INPP4A: variants seen among roughly 807,000 people sequenced by gnomAD.
INPP4A encodes the protein inositol polyphosphate-4-phosphatase type I A, also known as inositol polyphosphate-4-phosphatase, type I, 107kD.
INPP4A carries 33 observed loss-of-function variants against 119.8 expected under a neutral mutation model. That is an observed-to-expected ratio of 0.28 (90% confidence interval 0.21 to 0.37). The LOEUF (loss-of-function observed/expected upper bound fraction) is 0.37, where lower values mean the gene tolerates loss of function less well. INPP4A is among the 10% of genes least tolerant of loss of function. INPP4A has a pLI of 1.00. For missense variants in INPP4A, 956 were observed against 1,289.9 expected (o/e 0.74, Z 3.97); for synonymous variants, 496 against 500.7 (o/e 0.99, Z 0.12).
chr2:98,547,628 A>T (rs1044184775), intron 13 of INPP4A, among the ~76,000 whole-genome samples: 27 of 152,110 alleles, frequency 1.8e-4, no homozygotes, highest in African/African-American at 6.3e-4. Flanking sequence ...TGTTTGGTTT[A>T]GGGAGAATAA....
chr2:98,545,973 C>G lies in INPP4A; in HGVS notation c.954C>G (p.Pro318=). ...TTCTCCTATTCCATTTCTTAGGGCC[C>G]TCGTTTAAAGCAAGCAGTTTGAAAG... ...NLTDLHQYRG[P]SFKASSLKAD... is the part of the protein sequence containing the mutation. The change falls in exon 12 of 25, where the codon CCC becomes CCG. Residue 318 remains proline, a synonymous_variant. Transcript: ENST00000409851. 3.8e-6 allele frequency: 6 copies of G among 1,585,442 alleles called. No homozygotes were observed. The highest frequency in any genetic ancestry group is 1.7e-4 in the Middle Eastern group (1 of 6,000).
intron 22 of INPP4A, among the ~76,000 whole-genome samples, chr2:98,571,530 A>G (rs970819088): frequency 1.3e-5 from 2 of 152,218 alleles, no homozygotes; most frequent in African/African-American, 4.8e-5. Context: ...AGCTGTTACA[A>G]TGGGCAGTGA....
chr2:98,538,979 C>T lies in INPP4A; in HGVS notation c.668C>T (p.Ser223Leu), dbSNP rs374754606. The part of the protein sequence containing the change: ...ASLRKDTLLK[S>L]VFGGAICRMY... ...TTGCGAAAGGACACTTTGCTGAAAT[C>T]GGGTAAACAGCTTCCTCCTTTGGTA... Residue 223 changes from serine (S) to leucine (L), a missense_variant and splice_region_variant, in exon 9 of 25, where the codon TCG becomes TTG. Ser to Leu is a moderately radical substitution (Grantham distance 145). Coordinates refer to ENST00000409851, the MANE Select transcript of INPP4A (RefSeq NM_001134225.2). 2.8e-5 allele frequency: 45 copies of T among 1,595,938 alleles called. 1 individual carries two copies. The Admixed American group carries it at 3.4e-4, about 12-fold the overall frequency.
chr2:98,574,483 C>A (rs1316373823), intron 23 of INPP4A, among the ~76,000 whole-genome samples: 2 of 151,944 alleles, frequency 1.3e-5, no homozygotes, highest in Admixed American at 1.3e-4. Flanking sequence ...ACTAAAAATA[C>A]AAAAATTAGC....
At position 98,546,603 on chromosome 2, in the gene INPP4A, G is replaced by C. The variant is rs769868588; in HGVS notation, c.1072G>C (p.Val358Leu). 6.2e-7 allele frequency: 1 copy of C among 1,613,314 alleles called. No homozygotes were observed. Reference protein sequence around the residue: ...DGGSDQNYDIVTIGAPAAHCQ... With the variant: ...DGGSDQNYDILTIGAPAAHCQ... The stretch of plus-strand genomic sequence containing the variant: ...TCATTCAGATCAGAACTACGACATC[G>C]TCACCATTGGGGCGCCAGCAGCACA... Residue 358 changes from valine to leucine, a missense_variant, in exon 13 of 25, where the codon GTC (valine) becomes CTC (leucine). Physicochemically the swap from Val to Leu is conservative, Grantham distance 32. Transcript: ENST00000409851. This position sits in a 1 kb window ranked among gnomAD's most constrained non-coding sequence, Gnocchi z 4.2.
chr2:98,516,990 T>G (rs1184515203), intron 1 of INPP4A, among the ~76,000 whole-genome samples: 1 of 152,012 alleles, frequency 6.6e-6, no homozygotes, highest in Non-Finnish European at 1.5e-5. Flanking sequence ...TGTATTGGGG[T>G]ATAAAAATCA....
At chr2:98,524,876 G>A (rs987477727) in intron 4 of INPP4A, among the ~76,000 whole-genome samples, 12 of 152,198 alleles carry the variant, frequency 7.9e-5, no homozygotes, top group South Asian at 2.1e-4. Context: ...AGCACAAAAA[G>A]CACTGTTTGT....
chr2:98,470,000 A>G (rs1675653788), intron 1 of INPP4A, among the ~76,000 whole-genome samples: 1 of 152,204 alleles, frequency 6.6e-6, no homozygotes, highest in Non-Finnish European at 1.5e-5. Context: ...AGGGTTCCAC[A>G]GTCATAGAGG....
At chr2:98,515,650 C>T (rs1180088423) in intron 1 of INPP4A, among the ~76,000 whole-genome samples, 2 of 152,194 alleles carry the variant, frequency 1.3e-5, no homozygotes, top group Non-Finnish European at 2.9e-5. Context: ...AAAAGTGGAG[C>T]TCTGATGTGT....
At chr2:98,545,895 C>A in intron 11 of INPP4A, 74 bp from the exon 12 acceptor site, 1 of 1,075,700 alleles carries the variant, frequency 9.3e-7, no homozygotes. Context: ...CCTCTGAATT[C>A]CATTTTCTAC....
chr2:98,475,163 C>T (rs916419401), intron 1 of INPP4A, among the ~76,000 whole-genome samples: 2 of 151,966 alleles, frequency 1.3e-5, no homozygotes, highest in African/African-American at 4.8e-5. Flanking sequence ...TTAAGTGGAG[C>T]GGACAGCTGA....
At chr2:98,490,746 G>A (rs192885606) in intron 1 of INPP4A, among the ~76,000 whole-genome samples, 91 of 152,330 alleles carry the variant, frequency 6.0e-4, no homozygotes, top group African/African-American at 1.9e-3. Context: ...GATGAGGCCA[G>A]AATCTCCAAC....
intron 1 of INPP4A, among the ~76,000 whole-genome samples, chr2:98,468,128 C>A (rs533933332): frequency 2.0e-5 from 3 of 152,126 alleles, no homozygotes; most frequent in Admixed American, 1.3e-4. Flanking sequence ...TTGTAATAAC[C>A]CTGAGTAAAT....
In INPP4A at chr2:98,539,612, G is replaced by GCGT; in HGVS notation, c.756_758dup (p.Val253dup). 6.2e-7 allele frequency: 1 copy of GCGT among 1,612,286 alleles called. No individual in the cohort carries two copies. The highest frequency in any genetic ancestry group is 8.5e-7 in the Non-Finnish European group (1 of 1,179,092). On this transcript the variant is annotated inframe_insertion, in exon 10 of 25. Coordinates refer to ENST00000409851, the MANE Select transcript of INPP4A (RefSeq NM_001134225.2). ...CGGATCCTGGAGCAGATGGCAGAGA[G>GCGT]CGTGCTCTCCCTGCACGTGCCCCGG...
chr2:98,582,106 A>G (rs531164124), intron 24 of INPP4A, among the ~76,000 whole-genome samples: 2 of 152,318 alleles, frequency 1.3e-5, no homozygotes, highest in South Asian at 2.1e-4. Flanking sequence ...CCTGTTTCCA[A>G]GAGAAACGAG....
intron 1 of INPP4A, among the ~76,000 whole-genome samples, chr2:98,461,921 T>G (rs767400402): frequency 2.0e-5 from 3 of 152,238 alleles, no homozygotes; most frequent in Admixed American, 2.0e-4. Context: ...CAGCCTGTGC[T>G]TCACACTAAT....
chr2:98,543,930 G>A lies in INPP4A; in HGVS notation c.872G>A (p.Arg291Gln), dbSNP rs1360678266. Residue 291 changes from arginine to glutamine, a missense_variant, in exon 11 of 25, where the codon CGG (arginine) becomes CAG (glutamine). Arg to Gln is a conservative substitution (Grantham distance 43, BLOSUM62 1). This residue lies in a region of INPP4A where 652 missense variants were observed against 797.9 expected (regional missense o/e 0.82). Coordinates refer to ENST00000409851, the MANE Select transcript of INPP4A (RefSeq NM_001134225.2). ...GELSPCWESLRRQIVTQYQTI... is the reference protein window; with the variant it reads ...GELSPCWESLQRQIVTQYQTI... ...CTGTCCCCTTGCTGGGAGAGCCTCC[G>A]GCGCCAAATTGTCACCCAGTACCAG... 1 of 1,609,462 alleles carries A rather than the reference G, an allele frequency of 6.2e-7. No homozygotes were observed. The highest frequency in any genetic ancestry group is 2.2e-5 in the East Asian group (1 of 44,758).
intron 24 of INPP4A, among the ~76,000 whole-genome samples, chr2:98,584,221 A>G (rs935008591): frequency 6.6e-6 from 1 of 152,230 alleles, no homozygotes; most frequent in African/African-American, 2.4e-5. Context: ...GTGCACTTCA[A>G]CTAAGACCAT....
intron 11 of INPP4A, among the ~76,000 whole-genome samples, chr2:98,544,570 A>T (rs2106077244): frequency 6.6e-6 from 1 of 152,280 alleles, no homozygotes; most frequent in Middle Eastern, 3.4e-3. Context: ...ATGCCATTTG[A>T]TTTTCAAAAC....
Sources: allele counts gnomAD v4.1 joint callset (sites outside exome capture counted in the v4.1 genomes callset), GRCh38; gene constraint gnomAD v4.1.1; regional missense constraint gnomAD v4.1.1; non-coding constraint Gnocchi (gnomAD v3.1); transcripts MANE v1.5; gene names NCBI Gene and HGNC (gene_info 2026-07-23, HGNC 2026-07-21).